TMEM131: variants seen among roughly 807,000 people sequenced by gnomAD.
TMEM131 encodes transmembrane protein 131.
Under a neutral mutation model 211.6 loss-of-function variants are expected in TMEM131, and 66 were observed. The ratio of observed to expected loss-of-function variants is 0.31; its 90% confidence interval spans 0.26 to 0.38. The LOEUF is 0.38. TMEM131 is among the 10% of genes least tolerant of loss of function. TMEM131 has a pLI of 1.00. For synonymous variants in TMEM131, 844 were observed against 841.3 expected, an observed-to-expected ratio of 1.00 and a Z score of -0.06; for missense variants, 2,036 against 2,299.3, an observed-to-expected ratio of 0.89 and a Z score of 2.34.
At chr2:97,858,267 T>C (rs1407164304) in intron 5 of TMEM131, among the ~76,000 whole-genome samples, 3 of 152,228 alleles carry the variant, frequency 2.0e-5, no homozygotes, top group Non-Finnish European at 4.4e-5. Context: ...GTCCTATTCA[T>C]TTACTTCCCT....
chr2:97,954,762 C>A (rs1253052010), intron 1 of TMEM131, among the ~76,000 whole-genome samples: 1 of 129,466 alleles, frequency 7.7e-6, no homozygotes, highest in Non-Finnish European at 1.5e-5. Context: ...GCTGAGATCA[C>A]GGCATTGCAC....
chr2:97,799,113 G>A (rs1457431511), intron 25 of TMEM131, among the ~76,000 whole-genome samples: 3 of 151,850 alleles, frequency 2.0e-5, no homozygotes, highest in Admixed American at 6.6e-5. Context: ...TAATAATACC[G>A]ATAGACGTTA....
intron 1 of TMEM131, among the ~76,000 whole-genome samples, chr2:97,986,994 A>G (rs1680053847): frequency 6.6e-6 from 1 of 152,248 alleles, no homozygotes; most frequent in South Asian, 2.1e-4. Context: ...ATCATGCTCT[A>G]AAAAGAAAAT....
chr2:97,847,712 G>A (rs1683514545), intron 5 of TMEM131, among the ~76,000 whole-genome samples: 2 of 152,142 alleles, frequency 1.3e-5, no homozygotes, highest in African/African-American at 4.8e-5. Flanking sequence ...TACACTGATA[G>A]AAAAACTGAT....
rs764445335 is a variant in TMEM131, at chr2:97,809,712, G to A, written c.2031C>T (p.His677=). 1.1e-5 allele frequency: 18 copies of A among 1,610,900 alleles called. No individual in the cohort carries two copies. The highest frequency in any genetic ancestry group is 1.3e-5 in the Non-Finnish European group (15 of 1,178,626). Residue 677 remains histidine, a synonymous_variant, in exon 19 of 41, where the codon CAC becomes CAT. Coordinates refer to ENST00000186436, the MANE Select transcript of TMEM131 (RefSeq NM_015348.2). ...AVGSLTCFPK[H]VVLPPSFPGK... is the part of the protein sequence containing the mutation. The stretch of plus-strand genomic sequence containing the variant: ...CTGGAAAGGAAGGTGGAAGAACCAC[G>A]TGCTTAGGGAAGCAGGTCAGTGAGC...
intron 7 of TMEM131, among the ~76,000 whole-genome samples, chr2:97,840,823 C>T (rs1363132541): frequency 6.6e-6 from 1 of 152,150 alleles, no homozygotes; most frequent in Admixed American, 6.5e-5. Context: ...CTATCTTCAC[C>T]CAGTTGTTGC....
At chr2:97,843,450 T>C (rs1385257579) in intron 6 of TMEM131, among the ~76,000 whole-genome samples, 1 of 152,166 alleles carries the variant, frequency 6.6e-6, no homozygotes, top group Non-Finnish European at 1.5e-5. Flanking sequence ...ATCCTCCCAC[T>C]TCAGCCTCCC....
Position 97,772,382 on chromosome 2 carries a change from G to A in TMEM131, c.4363C>T (p.His1455Tyr). ...QKGKQAMPEK[H>Y]ESEMSQVKQK... is the part of the protein sequence containing the mutation. ...TTCACTTGAGACATTTCACTTTCAT[G>A]TTTTTCAGGCATGGCTTGTTTTCCC... is the stretch of plus-strand genomic sequence containing the variant. Residue 1455 changes from histidine (H) to tyrosine (Y), a missense_variant, in exon 33 of 41, where the codon CAT (histidine) becomes TAT (tyrosine). His to Tyr is a moderately conservative substitution (Grantham distance 83). Transcript: ENST00000186436. 1 of 1,609,998 alleles carries A rather than the reference G, an allele frequency of 6.2e-7. No individual in the cohort carries two copies. The highest frequency in any genetic ancestry group is 8.5e-7 in the Non-Finnish European group (1 of 1,178,968).
chr2:97,767,230 C>T (rs887351807), intron 33 of TMEM131, among the ~76,000 whole-genome samples: 6 of 152,046 alleles, frequency 3.9e-5, no homozygotes, highest in Non-Finnish European at 5.9e-5. Flanking sequence ...TTTAGAGTGA[C>T]GCTTTCTGAA....
At chr2:97,914,026 T>C (rs765291554) in intron 2 of TMEM131, among the ~76,000 whole-genome samples, 3 of 152,098 alleles carry the variant, frequency 2.0e-5, no homozygotes, top group Non-Finnish European at 4.4e-5. Context: ...ATTATGAAGA[T>C]CTCAACATGT....
At chr2:97,805,335 G>C in intron 21 of TMEM131, 41 bp downstream of exon 21, 5 of 1,598,300 alleles carry the variant, frequency 3.1e-6, no homozygotes, top group Non-Finnish European at 4.3e-6. Flanking sequence ...GAGTATTTTG[G>C]GGGAAGTGAA....
intron 1 of TMEM131, among the ~76,000 whole-genome samples, chr2:97,986,955 T>C (rs1680052487): frequency 6.6e-6 from 1 of 152,228 alleles, no homozygotes; most frequent in Non-Finnish European, 1.5e-5. Context: ...CATGAATAAT[T>C]GCCTAGAAAA....
At chr2:97,928,825 G>A (rs916031587) in intron 1 of TMEM131, among the ~76,000 whole-genome samples, 4 of 151,804 alleles carry the variant, frequency 2.6e-5, no homozygotes, top group African/African-American at 9.7e-5. Context: ...ACAGAAACAA[G>A]GCGGGGGAGG....
chr2:97,837,008 A>T, intron 8 of TMEM131, 69 bp downstream of exon 8: 1 of 1,276,138 alleles, frequency 7.8e-7, no homozygotes, highest in Non-Finnish European at 1.1e-6. Flanking sequence ...AAGGAGTTAA[A>T]TATTTTCTAA....
chr2:97,864,024 C>T (rs998990497), intron 4 of TMEM131, among the ~76,000 whole-genome samples: 4 of 152,116 alleles, frequency 2.6e-5, no homozygotes, highest in Non-Finnish European at 4.4e-5. Flanking sequence ...TACATATACA[C>T]GATGGAGTAC....
At chr2:97,902,021 A>G (rs1675874002) in intron 3 of TMEM131, among the ~76,000 whole-genome samples, 1 of 152,218 alleles carries the variant, frequency 6.6e-6, no homozygotes, top group Non-Finnish European at 1.5e-5. Flanking sequence ...TGATTTGATC[A>G]TTACACAGTC....
chr2:97,992,148 A>C (rs891665057), intron 1 of TMEM131, among the ~76,000 whole-genome samples: 2 of 152,242 alleles, frequency 1.3e-5, no homozygotes, highest in Non-Finnish European at 2.9e-5. Flanking sequence ...CTCACTCTTA[A>C]GAAAATCACT....
intron 2 of TMEM131, among the ~76,000 whole-genome samples, chr2:97,918,780 T>C (rs1181255318): frequency 6.6e-6 from 1 of 152,252 alleles, no homozygotes; most frequent in Non-Finnish European, 1.5e-5. Context: ...CAACCAAGTC[T>C]GATATGATAT....
intron 1 of TMEM131, among the ~76,000 whole-genome samples, chr2:97,936,936 GAAT>G (rs1677472172): frequency 6.6e-6 from 1 of 152,024 alleles, no homozygotes; most frequent in Non-Finnish European, 1.5e-5. Flanking sequence ...ACCAAATGGA[GAAT>G]ATTAAGAAGA....
Sources: gnomAD v4.1 joint callset for allele counts (sites outside exome capture counted in the v4.1 genomes callset) on GRCh38, gnomAD v4.1.1 for gene constraint, MANE v1.5 for transcripts, NCBI Gene and HGNC (gene_info 2026-07-23, HGNC 2026-07-21) for gene names.